The following SEMA3E variants were observed in gnomAD, a reference collection of about 807,000 sequenced individuals.
SEMA3E encodes the protein semaphorin-3E.
Under a neutral mutation model 93.6 loss-of-function variants are expected in SEMA3E, and 49 were observed. That is an observed-to-expected ratio of 0.52 (90% CI 0.42 to 0.66). SEMA3E has a LOEUF of 0.66. Among genes scored for constraint, SEMA3E ranks in the 30% least tolerant of loss-of-function variants. The pLI, the probability that SEMA3E is intolerant of heterozygous loss-of-function variation, is 0.00. For missense variants in SEMA3E, 906 were observed against 964.8 expected, an observed-to-expected ratio of 0.94 and a Z score of 0.81; for synonymous variants, 363 against 330.7, an observed-to-expected ratio of 1.10 and a Z score of -1.06.
intron 1 of SEMA3E, among the ~76,000 whole-genome samples, chr7:83,557,968 A>G (rs1341151422): frequency 3.3e-5 from 5 of 152,136 alleles, no homozygotes; most frequent in Non-Finnish European, 7.4e-5. Context: ...ACCCAGTACA[A>G]TGGCTTTTCT....
At chr7:83,643,723 A>G (rs902927544) in intron 1 of SEMA3E, among the ~76,000 whole-genome samples, 3 of 152,020 alleles carry the variant, frequency 2.0e-5, no homozygotes, top group African/African-American at 7.2e-5. Flanking sequence ...AACAAAACAT[A>G]TTGTAATTTC....
intron 5 of SEMA3E, among the ~76,000 whole-genome samples, chr7:83,413,081 TATTA>T (rs1376398956): frequency 1.3e-5 from 2 of 152,202 alleles, no homozygotes; most frequent in African/African-American, 2.4e-5. Context: ...ACATTCTTTA[TATTA>T]ATTCTAAAAT....
chr7:83,405,919 A>C (rs771122186), intron 8 of SEMA3E, 26 bp downstream of exon 8: 5 of 1,533,632 alleles, frequency 3.3e-6, no homozygotes, highest in Non-Finnish European at 9.0e-7. Flanking sequence ...TAAAAGAGCA[A>C]ATTTAATTCA....
chr7:83,535,987 C>G (rs1791404797), intron 1 of SEMA3E, among the ~76,000 whole-genome samples: 1 of 152,072 alleles, frequency 6.6e-6, no homozygotes, highest in Non-Finnish European at 1.5e-5. Flanking sequence ...CCCCAAGTGG[C>G]ACAAATGATT....
At chr7:83,554,832 C>A (rs927565299) in intron 1 of SEMA3E, among the ~76,000 whole-genome samples, 3 of 151,888 alleles carry the variant, frequency 2.0e-5, no homozygotes, top group Non-Finnish European at 4.4e-5. Context: ...AAAAAATTAG[C>A]CTGGCGTGGT....
intron 4 of SEMA3E, among the ~76,000 whole-genome samples, chr7:83,447,571 T>G (rs575127922): frequency 6.6e-6 from 1 of 152,238 alleles, no homozygotes; most frequent in Non-Finnish European, 1.5e-5. Flanking sequence ...ATGCAACATT[T>G]TTCATCTTAG....
chr7:83,633,559 T>C (rs931737931), intron 1 of SEMA3E, among the ~76,000 whole-genome samples: 1 of 152,122 alleles, frequency 6.6e-6, no homozygotes, highest in Admixed American at 6.6e-5. Flanking sequence ...AATTTATATG[T>C]TTTTTTAAAC....
intron 3 of SEMA3E, among the ~76,000 whole-genome samples, chr7:83,467,333 T>C (rs1007444552): frequency 1.3e-5 from 2 of 152,180 alleles, no homozygotes; most frequent in Non-Finnish European, 2.9e-5. Context: ...TCTCAAAATA[T>C]GTAGTCTTTA....
chr7:83,580,030 T>A (rs1223369124), intron 1 of SEMA3E, among the ~76,000 whole-genome samples: 1 of 152,016 alleles, frequency 6.6e-6, no homozygotes, highest in Non-Finnish European at 1.5e-5. Context: ...AAAGCAGCAA[T>A]CAATTTAATT....
chr7:83,564,864 A>G (rs1792108887), intron 1 of SEMA3E, among the ~76,000 whole-genome samples: 1 of 152,196 alleles, frequency 6.6e-6, no homozygotes, highest in Non-Finnish European at 1.5e-5. Context: ...ATGGAAGGAG[A>G]TAGAGACATG....
intron 5 of SEMA3E, among the ~76,000 whole-genome samples, chr7:83,415,251 C>T (rs1403181806): frequency 2.6e-5 from 4 of 152,062 alleles, no homozygotes; most frequent in Non-Finnish European, 4.4e-5. Flanking sequence ...CCTTGTCTTC[C>T]TCAGACAGTT....
chr7:83,616,573 TC>T (rs1385924936), intron 1 of SEMA3E: 1 of 313,684 alleles, frequency 3.2e-6, no homozygotes, highest in African/African-American at 2.3e-5. Flanking sequence ...AGTGCAACTT[TC>T]CCCTGAAACT....
chr7:83,437,870 T>C (rs1194681987), intron 4 of SEMA3E, among the ~76,000 whole-genome samples: 1 of 152,102 alleles, frequency 6.6e-6, no homozygotes, highest in African/African-American at 2.4e-5. Context: ...GACTTCGATA[T>C]CAACTTGAAG....
chr7:83,417,125 C>A (rs995319468), intron 5 of SEMA3E, among the ~76,000 whole-genome samples: 1 of 150,724 alleles, frequency 6.6e-6, no homozygotes, highest in Non-Finnish European at 1.5e-5. Context: ...TATTCAAGCC[C>A]CTGAAGAACT....
rs1456388178 is a variant in SEMA3E, at chr7:83,379,130, A to G, written c.1875+6164T>C. ...GATGGAACTGGAGGACATTATCATG[A>G]GTGAAATAACTCAAACGAAAGTCAA... On this transcript the variant is annotated intron_variant, in intron 16 of 16. Coordinates refer to ENST00000643230, the MANE Select transcript of SEMA3E (RefSeq NM_012431.3). Among the ~76,000 whole-genome samples, 3 of 151,900 alleles carry G rather than the reference A, an allele frequency of 2.0e-5. No homozygotes were observed. In the Admixed American group the frequency reaches 2.0e-4, roughly 10 times the overall value.
At chr7:83,603,708 T>C (rs1374977759) in intron 1 of SEMA3E, among the ~76,000 whole-genome samples, 1 of 152,264 alleles carries the variant, frequency 6.6e-6, no homozygotes, top group African/African-American at 2.4e-5. Flanking sequence ...GCTTAAGAAC[T>C]TTTTCACAGA....
chr7:83,425,686 C>G (rs1226022385), intron 4 of SEMA3E, among the ~76,000 whole-genome samples: 2 of 152,122 alleles, frequency 1.3e-5, no homozygotes, highest in Admixed American at 1.3e-4. Flanking sequence ...GCCAGTCATT[C>G]TGAACTTCTT....
chr7:83,564,491 T>C (rs943820663), intron 1 of SEMA3E, among the ~76,000 whole-genome samples: 2 of 152,206 alleles, frequency 1.3e-5, no homozygotes, highest in Non-Finnish European at 2.9e-5. Flanking sequence ...GTCAGTGTTC[T>C]CTATTTTGTA....
chr7:83,407,336 G>A, intron 6 of SEMA3E, 97 bp from the exon 7 acceptor site: 1 of 1,063,372 alleles, frequency 9.4e-7, no homozygotes, highest in Middle Eastern at 2.8e-4. Context: ...GAATCCTTAA[G>A]TTTAACTTTC....
Sources: allele counts gnomAD v4.1 joint callset (sites outside exome capture counted in the v4.1 genomes callset), GRCh38; gene constraint gnomAD v4.1.1; transcripts MANE v1.5; gene names NCBI Gene and HGNC (gene_info 2026-07-23, HGNC 2026-07-21).